Variants in WDR38 observed in about 807,000 individuals in gnomAD.
WDR38 encodes the protein WD repeat domain 38, also known as WD repeat-containing protein 38.
Under a neutral mutation model 36.6 loss-of-function variants are expected in WDR38, and 37 were observed. The observed-to-expected ratio is 1.01, with a 90% CI of 0.78 to 1.33. The LOEUF is 1.33. Ranked by LOEUF, WDR38 falls within the 40% of genes most tolerant of loss-of-function variation. The pLI is 0.00. For synonymous variants in WDR38, 164 were observed against 168.1 expected (o/e 0.98, Z 0.19); for missense variants, 411 against 414.6 (o/e 0.99, Z 0.07).
At position 124,857,543 on chromosome 9, in the gene WDR38, T is replaced by A. The variant is rs1372883573; in HGVS notation, c.858T>A (p.Asp286Glu). Residue 286 changes from aspartate to glutamate, a missense_variant, in exon 9 of 9, where the codon GAT (aspartate) becomes GAA (glutamate). Transcript: ENST00000373574. ...DVAHTCAFTP[D>E]GKILVSGAAD... ...CCCACACCTGTGCCTTCACCCCAGA[T>A]GGGAAAATCTTAGTGTCTGGAGCTG... The A allele has an allele frequency of 6.2e-7, 1 of 1,614,182 alleles. No individual in the cohort carries two copies.
intron 1 of WDR38, 40 bp from the exon 2 acceptor site, chr9:124,854,164 GT>G (rs1464940442): frequency 2.5e-6 from 4 of 1,612,352 alleles, no homozygotes; most frequent in Admixed American, 1.7e-5. Context: ...GCGGACAGGG[GT>G]TTCTTCCCCA....
At position 124,856,533 on chromosome 9, in the gene WDR38, C is replaced by T. The variant is rs751024663; in HGVS notation, c.551C>T (p.Ser184Phe). Residue 184 changes from serine to phenylalanine, a missense_variant, in exon 6 of 9, where the codon TCC becomes TTC. Transcript: ENST00000373574. ...CTGCGGATGGTGACCCCAGCAGTCT[C>T]CCACCAGGCGCTAGAGGGACACAGT... The part of the protein sequence containing the change: ...WDLRMVTPAV[S>F]HQALEGHSAN... The T allele has an allele frequency of 3.5e-5, 56 of 1,613,058 alleles. No individual in the cohort carries two copies. Among genetic ancestry groups the T allele is most frequent in the Non-Finnish European group, 4.5e-5 (53 of 1,179,476 alleles).
chr9:124,853,883 T>C (rs1452402724), intron 1 of WDR38, among the ~76,000 whole-genome samples: 2 of 152,192 alleles, frequency 1.3e-5, no homozygotes, highest in Non-Finnish European at 2.9e-5. Context: ...TCTGGTGTTT[T>C]CTGGGGCCCT....
chr9:124,855,580 G>C, intron 2 of WDR38, 54 bp from the exon 3 acceptor site: 1 of 1,550,012 alleles, frequency 6.5e-7, no homozygotes, highest in Non-Finnish European at 8.8e-7. Flanking sequence ...ATTGGACTGC[G>C]TGGGCAGAAG....
chr9:124,857,248 G>T, intron 7 of WDR38, 116 bp from the exon 8 acceptor site: 2 of 1,359,930 alleles, frequency 1.5e-6, no homozygotes, highest in Non-Finnish European at 2.1e-6. Flanking sequence ...AATCACCTGA[G>T]GTCAGGAGTT....
Position 124,857,381 on chromosome 9 carries a change from C to A in WDR38, c.786C>A (p.Cys262Ter), listed in dbSNP as rs1415820659. 2.5e-6 allele frequency: 4 copies of A among 1,614,090 alleles called. No individual in the cohort carries two copies. In the South Asian group the frequency reaches 4.4e-5, roughly 18 times the overall value. Reference sequence around the variant, plus strand: ...TTTTCCAGGTCAAAGTCTGGGACTGCAACACAGGAAAGTGCCTTGAGACCC... The same window carrying A: ...TTTTCCAGGTCAAAGTCTGGGACTGAAACACAGGAAAGTGCCTTGAGACCC... ...GYSRMVKVWD[C>*]NTGKCLETLK... Residue 262 changes from cysteine (C) to a stop codon, truncating the protein, a stop_gained, in exon 8 of 9, where the codon TGC becomes TGA. Coordinates refer to ENST00000373574, the MANE Select transcript of WDR38 (RefSeq NM_001045476.3). LOFTEE classifies it low-confidence loss of function (END_TRUNC).
At position 124,857,762 on chromosome 9, in the gene WDR38, C is replaced by T. The variant is rs565394063; in HGVS notation, c.*132C>T. ...TCCCCATGGCCAGGACTCTCCAGGC[C>T]CCACCAGAGCAGACAACTGTGGTGG... On this transcript the variant is annotated 3_prime_UTR_variant, in exon 9 of 9. Coordinates refer to ENST00000373574, the MANE Select transcript of WDR38 (RefSeq NM_001045476.3). The T allele has an allele frequency of 3.9e-5, 59 of 1,514,304 alleles. No homozygotes were observed. In the East Asian group the frequency reaches 4.2e-4, roughly 11 times the overall value. 93.8% of individuals were successfully genotyped at this position (1,514,304 alleles called of 1,614,324 possible). A position where few individuals can be genotyped will look rare whatever the true frequency, so the allele number is the denominator to read the frequency against.
rs748715652 is a variant in WDR38 at position 124,856,462 on chromosome 9, C to T, written c.487-7C>T. 3 of 1,611,948 alleles carry T rather than the reference C, an allele frequency of 1.9e-6. No homozygotes were observed. The highest frequency in any genetic ancestry group is 2.2e-5 in the South Asian group (2 of 90,856). ...GGCTGGGCCAGACTCACAGAAGCTG[C>T]CTGCAGGCCACCGGCTCCTGGGACT... On this transcript the variant is annotated splice_polypyrimidine_tract_variant and splice_region_variant and intron_variant, in intron 5 of 8. Coordinates refer to ENST00000373574, the MANE Select transcript of WDR38 (RefSeq NM_001045476.3).
In WDR38 at chr9:124,854,227, CT is replaced by C. The variant is rs1220650450; in HGVS notation, c.93del (p.Asp32MetfsTer35). ...GGEVNSSAFS[P>X]DGQMLLTGSE... ...TAGGTCAACTCTTCTGCCTTCTCCC[CT>C]GATGGCCAGATGCTGCTCACAGGCT... On this transcript the variant is annotated frameshift_variant, in exon 2 of 9. Transcript: ENST00000373574. LOFTEE classifies it high-confidence loss of function. 5.0e-6 allele frequency: 8 copies of C among 1,614,048 alleles called. No individual in the cohort carries two copies. The highest frequency in any genetic ancestry group is 1.1e-5 in the South Asian group (1 of 91,090).
rs756970900 is a variant in WDR38, at chr9:124,856,423, G to C, written c.487-46G>C. 3 of 1,612,278 alleles carry C rather than the reference G, an allele frequency of 1.9e-6. No homozygotes were observed. The Admixed American group carries it at 5.0e-5, about 27-fold the overall frequency. On this transcript the variant is annotated intron_variant, in intron 5 of 8. Transcript: ENST00000373574. ...ACTCTGGGTCCCGCCTAGATGCAGA[G>C]TGGGTGGAGAGCTGGCTGGGCCAGA...
chr9:124,854,986 A>G (rs968552800), intron 2 of WDR38, among the ~76,000 whole-genome samples: 1 of 152,030 alleles, frequency 6.6e-6, no homozygotes. Context: ...ACAAGTCCCC[A>G]ATCTCCCTCC....
Position 124,857,601 on chromosome 9 carries a change from T to C in WDR38, c.916T>C (p.Ser306Pro). ...GACTAGACGTCAAATATCCCGCACG[T>C]CCAAATCACCCAGGGACCCTCAAAC... Reference protein sequence around the residue: ...DQTRRQISRTSKSPRDPQT With the variant: ...DQTRRQISRTPKSPRDPQT Residue 306 changes from serine to proline, a missense_variant, in exon 9 of 9, where the codon TCC (serine) becomes CCC (proline). Physicochemically the swap from Ser to Pro is moderately conservative, Grantham distance 74 (BLOSUM62 -1). Coordinates refer to ENST00000373574, the MANE Select transcript of WDR38 (RefSeq NM_001045476.3). 4 of 1,614,020 alleles carry C rather than the reference T, an allele frequency of 2.5e-6. No homozygotes were observed. The highest frequency in any genetic ancestry group is 3.4e-6 in the Non-Finnish European group (4 of 1,180,010).
In WDR38 at chr9:124,856,602, T is replaced by C; in HGVS notation, c.618+2T>C. On this transcript the variant is annotated splice_donor_variant, in intron 6 of 8. Transcript: ENST00000373574. LOFTEE classifies it high-confidence loss of function. ...TGCTATTCAGCATCCGGCCTCCTGG[T>C]AAGTGGGGTGTCCTGGGTTCCAGGC... The C allele has an allele frequency of 6.2e-7, 1 of 1,613,768 alleles. No individual in the cohort carries two copies.
chr9:124,857,117 G>A (rs1829096540), intron 7 of WDR38, among the ~76,000 whole-genome samples: 1 of 152,182 alleles, frequency 6.6e-6, no homozygotes, highest in Admixed American at 6.5e-5. Flanking sequence ...GGGAACTCCT[G>A]CTCTGAAATT....
chr9:124,857,701 C>A lies in WDR38; in HGVS notation c.*71C>A. The A allele has an allele frequency of 6.3e-7, 1 of 1,598,984 alleles. No individual in the cohort carries two copies. Among genetic ancestry groups the A allele is most frequent in the Non-Finnish European group, 8.5e-7 (1 of 1,174,550 alleles). ...GGCGCACAGGCATGCCGCTTCTCCCCACAGACGCAAAGTGACTGTGCTGGC... is the reference window on the plus strand; with the variant it reads ...GGCGCACAGGCATGCCGCTTCTCCCAACAGACGCAAAGTGACTGTGCTGGC... On this transcript the variant is annotated 3_prime_UTR_variant, in exon 9 of 9. Transcript: ENST00000373574.
At chr9:124,856,638 C>A (rs754416533) in intron 6 of WDR38, 38 bp downstream of exon 6, 4 of 1,612,516 alleles carry the variant, frequency 2.5e-6, no homozygotes, top group Admixed American at 1.7e-5. Context: ...TGGTCCCTTG[C>A]TGGCAGCCAG....
rs774354519 is a variant in WDR38, at chr9:124,856,874, C to A, written c.761C>A (p.Ser254Tyr). Residue 254 changes from serine (S) to tyrosine (Y), a missense_variant, in exon 7 of 9, where the codon TCC (serine) becomes TAC (tyrosine). Transcript: ENST00000373574. ...DELWLASAGYSRMVKVWDCNT... is the reference protein window; with the variant it reads ...DELWLASAGYYRMVKVWDCNT... ...CTGTGGCTGGCCAGCGCCGGCTATT[C>A]CCGCATGGTAACCACCCCGGGCCCA... The A allele has an allele frequency of 6.2e-6, 10 of 1,613,816 alleles. No homozygotes were observed. In the African/African-American group the frequency reaches 1.2e-4, roughly 19 times the overall value.
At position 124,856,780 on chromosome 9, in the gene WDR38, A is replaced by G. The variant is rs747258153; in HGVS notation, c.667A>G (p.Ser223Gly). Residue 223 changes from serine to glycine, a missense_variant, in exon 7 of 9, where the codon AGC becomes GGC. By Grantham distance (56) the Ser-to-Gly change is moderately conservative (BLOSUM62 0). Coordinates refer to ENST00000373574, the MANE Select transcript of WDR38 (RefSeq NM_001045476.3). ...CATCCACATCTGGAAGCCCACAACC[A>G]GCAGCCTGCTTATCCAACTGAAGGG... is the stretch of plus-strand genomic sequence containing the variant. ...KTIHIWKPTT[S>G]SLLIQLKGHV... is the part of the protein sequence containing the mutation. 5 of 1,614,240 alleles carry G rather than the reference A, an allele frequency of 3.1e-6. No individual in the cohort carries two copies. Among genetic ancestry groups the G allele is most frequent in the Non-Finnish European group, 4.2e-6 (5 of 1,180,034 alleles).
intron 4 of WDR38, 100 bp from the exon 5 acceptor site, chr9:124,856,139 CA>C: frequency 1.3e-6 from 2 of 1,564,560 alleles, no homozygotes; most frequent in Non-Finnish European, 1.7e-6. Context: ...TTGCACACAG[CA>C]GCCCTCAGGC....
Sources: allele counts gnomAD v4.1 joint callset (sites outside exome capture counted in the v4.1 genomes callset), GRCh38; gene constraint gnomAD v4.1.1; transcripts MANE v1.5; gene names NCBI Gene and HGNC (gene_info 2026-07-23, HGNC 2026-07-21).